Variants in TENM3 observed in about 807,000 individuals in gnomAD.
The protein encoded by TENM3 is teneurin-3.
Under a neutral mutation model 255.1 loss-of-function variants are expected in TENM3, and 63 were observed. The ratio of observed to expected loss-of-function variants is 0.25; its 90% confidence interval spans 0.20 to 0.30. The LOEUF is 0.30. Ranked by LOEUF, TENM3 falls within the 10% of genes least tolerant of loss-of-function variation. The probability of loss-of-function intolerance (pLI) is 1.00; values close to 1 mark genes in which losing one functional copy is unlikely to be tolerated. For missense variants in TENM3, 2,929 were observed against 3,461.1 expected (o/e 0.85, Z 3.86); for synonymous variants, 1,306 against 1,322.3 (o/e 0.99, Z 0.27).
chr4:181,845,699 A>G, the TENM3 span, among the ~76,000 whole-genome samples: 3 of 152,218 alleles, frequency 2.0e-5, no homozygotes, highest in Non-Finnish European at 4.4e-5. Flanking sequence ...GGATTCATGC[A>G]TTTATTAACG....
At chr4:182,230,286 C>CA (rs1428293816) in intron 1 of TENM3, among the ~76,000 whole-genome samples, 1 of 152,074 alleles carries the variant, frequency 6.6e-6, no homozygotes, top group African/African-American at 2.4e-5. Context: ...AGGCTCCTCA[C>CA]ACCTAGGCTC....
the TENM3 span, among the ~76,000 whole-genome samples, chr4:181,625,530 C>G: frequency 6.6e-6 from 1 of 152,148 alleles, no homozygotes; most frequent in African/African-American, 2.4e-5. Context: ...ATATTGTATA[C>G]TGCCGGGCGC....
chr4:182,427,786 C>A (rs1197627298), intron 3 of TENM3, among the ~76,000 whole-genome samples: 1 of 152,088 alleles, frequency 6.6e-6, no homozygotes, highest in Non-Finnish European at 1.5e-5. Flanking sequence ...CAGACACATA[C>A]ACAGTATGGA....
chr4:181,633,517 T>C, the TENM3 span, among the ~76,000 whole-genome samples: 1 of 152,160 alleles, frequency 6.6e-6, no homozygotes, highest in Non-Finnish European at 1.5e-5. Flanking sequence ...TGGTCTCTGG[T>C]GCTTTTCCAG....
chr4:182,304,405 G>A (rs1186166590), intron 1 of TENM3, among the ~76,000 whole-genome samples: 3 of 151,990 alleles, frequency 2.0e-5, no homozygotes, highest in Admixed American at 6.6e-5. Context: ...GTAGAGATGG[G>A]GTTTCACCGT....
At chr4:182,542,418 A>G (rs1477421317) in intron 3 of TENM3, among the ~76,000 whole-genome samples, 2 of 152,144 alleles carry the variant, frequency 1.3e-5, no homozygotes, top group African/African-American at 2.4e-5. Context: ...TGTAAATTCA[A>G]TGGGCAAACC....
At chr4:182,384,424 T>C (rs1236230629) in intron 3 of TENM3, among the ~76,000 whole-genome samples, 1 of 152,056 alleles carries the variant, frequency 6.6e-6, no homozygotes, top group African/African-American at 2.4e-5. Flanking sequence ...ATTATGTATG[T>C]TTACAAACAA....
chr4:182,714,330 A>AC, intron 13 of TENM3, 97 bp downstream of exon 13: 1 of 996,006 alleles, frequency 1.0e-6, no homozygotes, highest in Non-Finnish European at 1.4e-6. Flanking sequence ...AAAAAAAAAA[A>AC]AAAAAAAAAC....
intron 3 of TENM3, among the ~76,000 whole-genome samples, chr4:182,376,422 T>A (rs149882551): frequency 6.6e-6 from 1 of 152,222 alleles, no homozygotes; most frequent in African/African-American, 2.4e-5. Flanking sequence ...ACCACATTAA[T>A]GTCATCTAGC....
chr4:181,902,196 A>AC, the TENM3 span, among the ~76,000 whole-genome samples: 1 of 151,358 alleles, frequency 6.6e-6, no homozygotes, highest in Non-Finnish European at 1.5e-5. Flanking sequence ...CCAAAAAAAA[A>AC]AAAACCCTAT....
the TENM3 span, among the ~76,000 whole-genome samples, chr4:182,033,767 T>C: frequency 6.6e-6 from 1 of 152,228 alleles, no homozygotes; most frequent in African/African-American, 2.4e-5. Context: ...TCTTGTTGCA[T>C]TGAACCTTTT....
At chr4:182,685,354 T>C (rs1442897505) in intron 11 of TENM3, among the ~76,000 whole-genome samples, 1 of 151,986 alleles carries the variant, frequency 6.6e-6, no homozygotes, top group African/African-American at 2.4e-5. Flanking sequence ...ATAACATGCA[T>C]AGAATAAATA....
At chr4:182,504,206 A>G (rs1580766031) in intron 3 of TENM3, among the ~76,000 whole-genome samples, 1 of 152,008 alleles carries the variant, frequency 6.6e-6, no homozygotes, top group Admixed American at 6.6e-5. Context: ...TAAATTTTAA[A>G]ATCACTCATC....
intron 1 of TENM3, among the ~76,000 whole-genome samples, chr4:182,322,280 G>A (rs940531458): frequency 3.9e-5 from 6 of 152,184 alleles, no homozygotes; most frequent in African/African-American, 1.2e-4. Context: ...TAAAATATTA[G>A]CAACTACTTT....
At chr4:181,686,207 CCAGACATCCCGA>C in the TENM3 span, among the ~76,000 whole-genome samples, 1 of 152,090 alleles carries the variant, frequency 6.6e-6, no homozygotes, top group Non-Finnish European at 1.5e-5. Flanking sequence ...TCCATGCTAC[CCAGACATCCCGA>C]CAGCATAAAT....
chr4:181,858,532 CAG>C, the TENM3 span, among the ~76,000 whole-genome samples: 1 of 152,262 alleles, frequency 6.6e-6, no homozygotes, highest in South Asian at 2.1e-4. Flanking sequence ...GTAGGAGACA[CAG>C]AGAAGCATGT....
At chr4:182,497,637 C>T (rs1735902514) in intron 3 of TENM3, among the ~76,000 whole-genome samples, 2 of 152,024 alleles carry the variant, frequency 1.3e-5, no homozygotes, top group South Asian at 4.1e-4. Context: ...TATTAGAGGA[C>T]TAATCATAGG....
chr4:181,812,878 C>T, the TENM3 span, among the ~76,000 whole-genome samples: 2 of 152,128 alleles, frequency 1.3e-5, no homozygotes, highest in African/African-American at 4.8e-5. Context: ...AGGGCTAAAA[C>T]CCCTGTCTCC....
chr4:181,926,747 G>A, the TENM3 span, among the ~76,000 whole-genome samples: 11 of 151,982 alleles, frequency 7.2e-5, no homozygotes, highest in South Asian at 2.1e-4. Flanking sequence ...GAACAGCTCC[G>A]GTCTGCAGCT....
Sources: allele counts gnomAD v4.1 joint callset (sites outside exome capture counted in the v4.1 genomes callset), GRCh38; gene constraint gnomAD v4.1.1; transcripts MANE v1.5; gene names NCBI Gene and HGNC (gene_info 2026-07-23, HGNC 2026-07-21).